The following ZNF429 variants were observed in gnomAD, a reference collection of about 807,000 sequenced individuals.
The protein encoded by ZNF429 is zinc finger protein 429.
Under a neutral mutation model 56.8 loss-of-function variants are expected in ZNF429, and 53 were observed. That is an observed-to-expected ratio of 0.93 (90% confidence interval 0.75 to 1.17). ZNF429 has a LOEUF of 1.17. ZNF429 is among the 50% of genes most tolerant of loss of function. ZNF429 has a pLI of 0.00. For synonymous variants in ZNF429, 278 were observed against 264.7 expected, an observed-to-expected ratio of 1.05 and a Z score of -0.49; for missense variants, 849 against 788.4, an observed-to-expected ratio of 1.08 and a Z score of -0.92.
intron 3 of ZNF429, among the ~76,000 whole-genome samples, chr19:21,535,319 CTTTCTTTCTCT>C: frequency 1.5e-5 from 2 of 134,536 alleles, no homozygotes; most frequent in African/African-American, 6.2e-5. Context: ...TTCTTTCTTT[CTTTCTTTCTCT>C]TTTCTTTTCT....
intron 1 of ZNF429, chr19:21,518,505 T>G (rs568848257): frequency 1.2e-4 from 18 of 152,386 alleles, no homozygotes; most frequent in African/African-American, 4.3e-4. Context: ...TTGTTTAATT[T>G]TCATGTAATT....
Position 21,530,758 on chromosome 19 carries a change from A to G in ZNF429, c.226+74A>G. 6 of 1,108,426 alleles carry G rather than the reference A, an allele frequency of 5.4e-6. No homozygotes were observed. In the East Asian group the frequency reaches 7.7e-5, roughly 14 times the overall value. 68.7% of individuals were successfully genotyped at this position (1,108,426 alleles called of 1,614,324 possible). ...CCAATAAGAAAGCCAGTCCTTAACA[A>G]TGTGATTTGGGAAGCTATGTTTCAA... On this transcript the variant is annotated intron_variant, in intron 3 of 3. Transcript: ENST00000358491.
At chr19:21,509,159 C>A (rs1202462721) in intron 1 of ZNF429, among the ~76,000 whole-genome samples, 1 of 152,038 alleles carries the variant, frequency 6.6e-6, no homozygotes, top group Non-Finnish European at 1.5e-5. Context: ...CAGGCGCACA[C>A]TGTCGCGCCA....
In ZNF429 at chr19:21,539,191, A is replaced by G. The variant is rs2033833959; in HGVS notation, c.*1113A>G. Among the ~76,000 whole-genome samples the G allele has an allele frequency of 6.6e-6, 1 of 150,840 alleles. No homozygotes were observed. On this transcript the variant is annotated 3_prime_UTR_variant, in exon 4 of 4. Transcript: ENST00000358491. ...TAAAAAGTCTACATAAATATCATAC[A>G]TAGATATGTATGATATTGAATACAT...
At chr19:21,508,513 T>G (rs899414754) in intron 1 of ZNF429, among the ~76,000 whole-genome samples, 1 of 152,206 alleles carries the variant, frequency 6.6e-6, no homozygotes, top group Non-Finnish European at 1.5e-5. Context: ...TGAAAAGATT[T>G]GTTCACTTAT....
intron 3 of ZNF429, among the ~76,000 whole-genome samples, chr19:21,532,835 A>G: frequency 6.6e-6 from 1 of 151,794 alleles, no homozygotes; most frequent in East Asian, 1.9e-4. Flanking sequence ...AGTAGCTGGG[A>G]CTACAGGTGT....
intron 2 of ZNF429, among the ~76,000 whole-genome samples, 176 bp from the exon 3 acceptor site, chr19:21,530,413 T>C: frequency 2.0e-5 from 3 of 152,106 alleles, no homozygotes; most frequent in African/African-American, 7.2e-5. Flanking sequence ...GGCAATGAAA[T>C]TAAGAACCTA....
rs1441608476 is a variant in ZNF429 at position 21,505,657 on chromosome 19, T to G, written c.-115T>G. The G allele has an allele frequency of 1.6e-5, 18 of 1,147,490 alleles. No individual in the cohort carries two copies. The highest frequency in any genetic ancestry group is 2.1e-5 in the Non-Finnish European group (17 of 810,226). 71.1% of individuals were successfully genotyped at this position (1,147,490 alleles called of 1,614,324 possible). On this transcript the variant is annotated 5_prime_UTR_variant, in exon 1 of 4. Coordinates refer to ENST00000358491, the MANE Select transcript of ZNF429 (RefSeq NM_001001415.4). ...CTCTTGCTGCAGCCAGAGCTCCAGG[T>G]CTCGTCTTCATTTCTGTGTCCTTTG...
In ZNF429 at chr19:21,536,667, A is replaced by T. The variant is rs1264749608; in HGVS notation, c.614A>T (p.Glu205Val). 3 of 1,614,036 alleles carry T rather than the reference A, an allele frequency of 1.9e-6. No homozygotes were observed. The highest frequency in any genetic ancestry group is 2.2e-5 in the South Asian group (2 of 91,080). Reference protein sequence around the residue: ...HIRENTYRCKEFGNAFNQSSA... With the variant: ...HIRENTYRCKVFGNAFNQSSA... ...AGAGAGAATACCTACAGATGTAAAG[A>T]ATTTGGCAATGCCTTTAATCAGTCC... Residue 205 changes from glutamate (E) to valine (V), a missense_variant, in exon 4 of 4, where the codon GAA (glutamate) becomes GTA (valine). Coordinates refer to ENST00000358491, the MANE Select transcript of ZNF429 (RefSeq NM_001001415.4).
At position 21,525,853 on chromosome 19, in the gene ZNF429, A is replaced by G. The variant is rs72620584; in HGVS notation, c.4-3805A>G. Among the ~76,000 whole-genome samples the G allele has an allele frequency of 1.4e-3, 211 of 150,984 alleles. 1 individual carries two copies. In the East Asian group the frequency reaches 0.038, roughly 27 times the overall value. On this transcript the variant is annotated intron_variant, in intron 1 of 3. Transcript: ENST00000358491. ...TATACATTTTATTTTTTAAAAATCA[A>G]TGACAGAGAAACAGAAAAATTAAAA...
At chr19:21,511,883 C>T (rs887507131) in intron 1 of ZNF429, among the ~76,000 whole-genome samples, 4 of 152,174 alleles carry the variant, frequency 2.6e-5, no homozygotes, top group South Asian at 2.1e-4. Flanking sequence ...GAGACCAGCC[C>T]GGCCAACACA....
At chr19:21,519,934 T>C (rs1568418763) in intron 1 of ZNF429, among the ~76,000 whole-genome samples, 1 of 151,502 alleles carries the variant, frequency 6.6e-6, no homozygotes, top group African/African-American at 2.4e-5. Context: ...TGAACTCAGC[T>C]CACTGCAACC....
chr19:21,517,857 G>C (rs536289194), intron 1 of ZNF429, among the ~76,000 whole-genome samples: 1 of 147,590 alleles, frequency 6.8e-6, no homozygotes, highest in South Asian at 2.1e-4. Context: ...ACAGTGGCTC[G>C]ATCTCAGCTC....
chr19:21,521,585 T>C (rs1259787010), intron 1 of ZNF429: 1 of 152,220 alleles, frequency 6.6e-6, no homozygotes, highest in African/African-American at 2.4e-5. Context: ...TTGTATCTAA[T>C]CTGAGTTTTC....
Position 21,537,898 on chromosome 19 carries a change from T to C in ZNF429, c.1845T>C (p.His615=). 6.2e-7 allele frequency: 1 copy of C among 1,614,062 alleles called. No individual in the cohort carries two copies. Reference sequence around the variant, plus strand: ...GACTTACTCAACATAAGAAAATTCATACTAGAGAGAAACCTTACAAATGTG... The same window carrying C: ...GACTTACTCAACATAAGAAAATTCACACTAGAGAGAAACCTTACAAATGTG... ...SSRLTQHKKI[H]TREKPYKCEE... Residue 615 remains histidine, a synonymous_variant, in exon 4 of 4, where the codon CAT becomes CAC. Coordinates refer to ENST00000358491, the MANE Select transcript of ZNF429 (RefSeq NM_001001415.4).
intron 1 of ZNF429, among the ~76,000 whole-genome samples, chr19:21,507,893 A>G (rs1307963644): frequency 1.3e-5 from 2 of 152,182 alleles, no homozygotes; most frequent in African/African-American, 4.8e-5. Context: ...CACCCAATCA[A>G]ATGCTGGTAT....
intron 1 of ZNF429, among the ~76,000 whole-genome samples, chr19:21,515,557 T>C (rs183702813): frequency 5.9e-5 from 9 of 152,250 alleles, no homozygotes; most frequent in African/African-American, 1.9e-4. Flanking sequence ...TCTGATTTTT[T>C]TTTGTGTGTG....
intron 1 of ZNF429, among the ~76,000 whole-genome samples, chr19:21,524,453 A>C (rs1224254164): frequency 6.6e-6 from 1 of 152,004 alleles, no homozygotes; most frequent in African/African-American, 2.4e-5. Flanking sequence ...GCTTGAACCT[A>C]GGAGGCGGAG....
chr19:21,535,133 T>G, intron 3 of ZNF429, among the ~76,000 whole-genome samples: 1 of 140,322 alleles, frequency 7.1e-6, no homozygotes, highest in East Asian at 2.0e-4. Flanking sequence ...GGCCTTGTTT[T>G]TATTTTTTAA....
Sources: gnomAD v4.1 joint callset for allele counts (sites outside exome capture counted in the v4.1 genomes callset) on GRCh38, gnomAD v4.1.1 for gene constraint, MANE v1.5 for transcripts, NCBI Gene and HGNC (gene_info 2026-07-23, HGNC 2026-07-21) for gene names.